Variants in TXNRD3 observed in about 807,000 individuals in gnomAD.
TXNRD3 encodes TXNRD3 neighbor gene protein.
A neutral mutation model predicts 78.2 loss-of-function variants in TXNRD3; 68 were observed. That is an observed-to-expected ratio of 0.87 (90% CI 0.72 to 1.06). The LOEUF is 1.06. Among genes scored for constraint, TXNRD3 ranks in the 50% least tolerant of loss-of-function variants. The pLI, the probability that TXNRD3 is intolerant of heterozygous loss-of-function variation, is 0.00. For missense variants in TXNRD3, 751 were observed against 809.5 expected, an observed-to-expected ratio of 0.93 and a Z score of 0.88; for synonymous variants, 296 against 300.1, an observed-to-expected ratio of 0.99 and a Z score of 0.14.
intron 3 of TXNRD3, among the ~76,000 whole-genome samples, chr3:126,645,325 C>T (rs969542337): frequency 7.2e-5 from 11 of 152,176 alleles, no homozygotes; most frequent in Non-Finnish European, 8.8e-5. Context: ...CAGATTTATT[C>T]TTGGACATCA....
At chr3:126,632,188 G>A (rs1938733238) in intron 7 of TXNRD3, among the ~76,000 whole-genome samples, 1 of 152,112 alleles carries the variant, frequency 6.6e-6, no homozygotes, top group African/African-American at 2.4e-5. Context: ...AGACCTGGAA[G>A]ACAGAACAAT....
chr3:126,634,048 C>T lies in TXNRD3; in HGVS notation c.716G>A (p.Arg239Lys). The T allele has an allele frequency of 2.0e-6, 3 of 1,493,656 alleles. No individual in the cohort carries two copies. Among genetic ancestry groups the T allele is most frequent in the Non-Finnish European group, 1.8e-6 (2 of 1,126,672 alleles). 92.5% of individuals were successfully genotyped at this position (1,493,656 alleles called of 1,614,324 possible). Reference sequence around the variant, plus strand: ...TTTTGTCATTGTCTCCCAGTTGTGCCTCACTAAGAAGAAATAATCAGGGTG... The same window carrying T: ...TTTTGTCATTGTCTCCCAGTTGTGCTTCACTAAGAAGAAATAATCAGGGTG... Residue 239 changes from arginine (R) to lysine (K), a missense_variant, in exon 7 of 16, where the codon AGG (arginine) becomes AAG (lysine). By Grantham distance (26) the Arg-to-Lys change is conservative (BLOSUM62 2). Coordinates refer to ENST00000524230, the MANE Select transcript of TXNRD3 (RefSeq NM_052883.3).
chr3:126,616,166 G>A (rs1403044370), intron 12 of TXNRD3, among the ~76,000 whole-genome samples: 1 of 152,216 alleles, frequency 6.6e-6, no homozygotes, highest in African/African-American at 2.4e-5. Context: ...GGAGAAGAGA[G>A]GGCCTCTCTG....
intron 6 of TXNRD3, among the ~76,000 whole-genome samples, chr3:126,638,446 C>A (rs1932967147): frequency 6.6e-6 from 1 of 152,128 alleles, no homozygotes; most frequent in Admixed American, 6.5e-5. Context: ...ACTTAGAAAG[C>A]ATTTTAGCCG....
At chr3:126,608,101 C>A in intron 15 of TXNRD3, 128 bp from the exon 16 acceptor site, 1 of 693,508 alleles carries the variant, frequency 1.4e-6, no homozygotes, top group Non-Finnish European at 2.2e-6. Context: ...TGGCTCATGC[C>A]TGTAATCCCA....
intron 9 of TXNRD3, 45 bp downstream of exon 9, chr3:126,630,667 G>A: frequency 6.7e-7 from 1 of 1,488,220 alleles, no homozygotes; most frequent in Non-Finnish European, 9.0e-7. Flanking sequence ...GTGAGATAAA[G>A]TGAAAAGTTA....
intron 7 of TXNRD3, among the ~76,000 whole-genome samples, chr3:126,632,775 G>A (rs1489976795): frequency 6.6e-6 from 1 of 152,160 alleles, no homozygotes; most frequent in Admixed American, 6.5e-5. Context: ...GGCATCATGA[G>A]TGGGATGGAG....
chr3:126,655,106 A>T lies in TXNRD3; in HGVS notation c.-116T>A. 7.7e-7 allele frequency: 1 copy of T among 1,297,182 alleles called. No homozygotes were observed. Among genetic ancestry groups the T allele is most frequent in the Non-Finnish European group, 9.8e-7 (1 of 1,021,604 alleles). 80.4% of individuals were successfully genotyped at this position (1,297,182 alleles called of 1,614,324 possible). ...AACGCTGCCCTCGCTGGCCACTCTC[A>T]CCACCCGCGCGAATCCGCGAGGCAG... On this transcript the variant is annotated 5_prime_UTR_variant, in exon 1 of 16. Transcript: ENST00000524230.
chr3:126,654,896 G>A lies in TXNRD3; in HGVS notation c.95C>T (p.Ser32Leu). ...CAGGCGGGCACGGCGCCCCGGCGGCGACAACACGCGCGCCCCTCGGACATG... is the reference window on the plus strand; with the variant it reads ...CAGGCGGGCACGGCGCCCCGGCGGCAACAACACGCGCGCCCCTCGGACATG... Residue 32 changes from serine (S) to leucine (L), a missense_variant, in exon 1 of 16, where the codon TCG (serine) becomes TTG (leucine). By Grantham distance (145) the Ser-to-Leu change is moderately radical. Transcript: ENST00000524230. The A allele has an allele frequency of 7.6e-7, 1 of 1,317,314 alleles. No homozygotes were observed. Among genetic ancestry groups the A allele is most frequent in the Non-Finnish European group, 9.6e-7 (1 of 1,042,012 alleles). 81.6% of individuals were successfully genotyped at this position (1,317,314 alleles called of 1,614,324 possible). A position where few individuals can be genotyped will look rare whatever the true frequency, so the allele number is the denominator to read the frequency against.
chr3:126,610,919 G>T, intron 14 of TXNRD3, 118 bp downstream of exon 14: 1 of 575,842 alleles, frequency 1.7e-6, no homozygotes, highest in Non-Finnish European at 2.9e-6. Context: ...TTGGAGACCA[G>T]CCTGAGCAAC....
chr3:126,648,912 G>A (rs540787703), intron 1 of TXNRD3, among the ~76,000 whole-genome samples: 47 of 152,348 alleles, frequency 3.1e-4, no homozygotes, highest in African/African-American at 1.1e-3. Flanking sequence ...GGCTGAGGCA[G>A]GAGGATCATG....
At chr3:126,620,294 CAA>C (rs10539573) in intron 12 of TXNRD3, among the ~76,000 whole-genome samples, 33,140 of 99,306 alleles carry the variant, frequency 0.33, 4,504 homozygotes, top group East Asian at 0.58. Flanking sequence ...GACTCTGTCT[CAA>C]AAAAAAAAAA....
chr3:126,647,175 A>C, intron 2 of TXNRD3, 61 bp downstream of exon 2: 2 of 1,282,746 alleles, frequency 1.6e-6, no homozygotes, highest in East Asian at 5.2e-5. Flanking sequence ...AGTAAATGGA[A>C]AGAAGTCAAT....
At chr3:126,653,985 A>T (rs1227847339) in intron 1 of TXNRD3, among the ~76,000 whole-genome samples, 1 of 152,116 alleles carries the variant, frequency 6.6e-6, no homozygotes, top group Non-Finnish European at 1.5e-5. Flanking sequence ...GCCAAAAGGA[A>T]CCAAATATTG....
At chr3:126,627,703 C>T (rs1088078) in intron 10 of TXNRD3, among the ~76,000 whole-genome samples, 30,492 of 152,078 alleles carry the variant, frequency 0.2, 3,316 homozygotes, top group Admixed American at 0.29. Context: ...AGTCCTTTGA[C>T]TATTAAAGAA....
At chr3:126,650,238 C>T (rs1412264737) in intron 1 of TXNRD3, among the ~76,000 whole-genome samples, 2 of 152,196 alleles carry the variant, frequency 1.3e-5, no homozygotes, top group East Asian at 3.8e-4. Context: ...CTACACTGAG[C>T]CTAGTTTCAT....
intron 9 of TXNRD3, among the ~76,000 whole-genome samples, chr3:126,629,687 G>C (rs1039559118): frequency 6.6e-6 from 1 of 152,144 alleles, no homozygotes; most frequent in East Asian, 1.9e-4. Flanking sequence ...AATTAGTTGA[G>C]ATTGGAGGGA....
intron 6 of TXNRD3, among the ~76,000 whole-genome samples, chr3:126,638,384 T>C (rs557186050): frequency 3.9e-5 from 6 of 152,138 alleles, no homozygotes; most frequent in Non-Finnish European, 5.9e-5. Flanking sequence ...AGTCTATACC[T>C]AAATACACCA....
chr3:126,651,122 G>T (rs1474003885), intron 1 of TXNRD3, among the ~76,000 whole-genome samples: 1 of 152,178 alleles, frequency 6.6e-6, no homozygotes, highest in East Asian at 1.9e-4. Flanking sequence ...GTGGAATATG[G>T]TGTCTAATTT....
Sources: allele counts gnomAD v4.1 joint callset (sites outside exome capture counted in the v4.1 genomes callset), GRCh38; gene constraint gnomAD v4.1.1; transcripts MANE v1.5; gene names NCBI Gene and HGNC (gene_info 2026-07-23, HGNC 2026-07-21).